Variants in FGGY observed in about 807,000 individuals in gnomAD.
FGGY encodes the protein FGGY carbohydrate kinase domain-containing protein.
Under a neutral mutation model 71.3 loss-of-function variants are expected in FGGY, and 72 were observed. That is an observed-to-expected ratio of 1.01 (90% CI 0.84 to 1.23). The LOEUF is 1.23. FGGY is among the 50% of genes most tolerant of loss of function. The pLI, the probability that FGGY is intolerant of heterozygous loss-of-function variation, is 0.00. For missense variants in FGGY, 668 were observed against 682.3 expected, an observed-to-expected ratio of 0.98 and a Z score of 0.23; for synonymous variants, 251 against 250.3, an observed-to-expected ratio of 1.00 and a Z score of -0.02.
chr1:59,510,140 AAGGTAATGT>A (rs2094485459), intron 6 of FGGY, among the ~76,000 whole-genome samples: 1 of 151,752 alleles, frequency 6.6e-6, no homozygotes, highest in South Asian at 2.1e-4. Context: ...TTTACTCCAA[AAGGTAATGT>A]AATGAATAAG....
intron 2 of FGGY, among the ~76,000 whole-genome samples, chr1:59,335,141 A>G (rs2049229991): frequency 6.6e-6 from 1 of 152,212 alleles, no homozygotes; most frequent in South Asian, 2.1e-4. Flanking sequence ...GTTATTTTGT[A>G]AATTTATACA....
At chr1:59,608,016 C>A in intron 9 of FGGY, 106 bp downstream of exon 9, 2 of 853,006 alleles carry the variant, frequency 2.3e-6, no homozygotes, top group Non-Finnish European at 3.8e-6. Context: ...TTGCAGACCC[C>A]TGAATCGGGG....
At chr1:59,397,051 T>A (rs540334151) in intron 5 of FGGY, among the ~76,000 whole-genome samples, 447 of 148,778 alleles carry the variant, frequency 3.0e-3, no homozygotes, top group African/African-American at 9.9e-3. Context: ...TTTTTTTTTT[T>A]AAAAGAAAGG....
At chr1:59,452,563 A>C (rs1396218194) in intron 5 of FGGY, among the ~76,000 whole-genome samples, 5 of 152,182 alleles carry the variant, frequency 3.3e-5, no homozygotes. Flanking sequence ...GTGGTCTCTC[A>C]GGTGAACTAC....
intron 14 of FGGY, among the ~76,000 whole-genome samples, chr1:59,675,418 T>C (rs74709818): frequency 0.013 from 1,936 of 152,286 alleles, 17 homozygotes; most frequent in Non-Finnish European, 0.02. Context: ...AACAGACAGA[T>C]GTAAAAGTGT....
chr1:59,407,058 A>C (rs745801542), intron 5 of FGGY, among the ~76,000 whole-genome samples: 8 of 152,124 alleles, frequency 5.3e-5, no homozygotes, highest in Non-Finnish European at 8.8e-5. Flanking sequence ...AGAGAAAGAG[A>C]AGCTGGAGTA....
chr1:59,460,350 G>C (rs1250645499), intron 6 of FGGY, among the ~76,000 whole-genome samples: 1 of 152,174 alleles, frequency 6.6e-6, no homozygotes, highest in Non-Finnish European at 1.5e-5. Context: ...GGCCAGGGGA[G>C]AGGCTTCCAC....
intron 6 of FGGY, among the ~76,000 whole-genome samples, chr1:59,502,729 T>A (rs1264038640): frequency 6.6e-6 from 1 of 152,202 alleles, no homozygotes; most frequent in Non-Finnish European, 1.5e-5. Flanking sequence ...ATCTAGACTC[T>A]GCTCCCACAA....
intron 8 of FGGY, among the ~76,000 whole-genome samples, chr1:59,592,932 T>C (rs1333079048): frequency 6.6e-6 from 1 of 151,968 alleles, no homozygotes; most frequent in Non-Finnish European, 1.5e-5. Context: ...ACTTCAACTA[T>C]AGTAATAATA....
intron 8 of FGGY, among the ~76,000 whole-genome samples, chr1:59,571,362 A>G (rs2095982429): frequency 6.6e-6 from 1 of 152,196 alleles, no homozygotes; most frequent in Non-Finnish European, 1.5e-5. Flanking sequence ...CAGGTACTGG[A>G]GAGAAAATGG....
intron 8 of FGGY, among the ~76,000 whole-genome samples, chr1:59,578,987 T>C (rs1036293702): frequency 6.6e-6 from 1 of 152,118 alleles, no homozygotes; most frequent in Non-Finnish European, 1.5e-5. Flanking sequence ...GCTTCTCAAG[T>C]GCTGTATAAT....
chr1:59,715,042 A>G (rs2097833809), intron 14 of FGGY, among the ~76,000 whole-genome samples: 1 of 152,182 alleles, frequency 6.6e-6, no homozygotes, highest in Non-Finnish European at 1.5e-5. Context: ...CCCTTTCAAG[A>G]AAAGCCCTTT....
chr1:59,654,346 C>G (rs1252989510), intron 11 of FGGY, among the ~76,000 whole-genome samples: 1 of 152,156 alleles, frequency 6.6e-6, no homozygotes, highest in African/African-American at 2.4e-5. Context: ...CCATCAGCTC[C>G]ACCTTCATTA....
At chr1:59,559,225 G>A (rs184975755) in intron 8 of FGGY, among the ~76,000 whole-genome samples, 1 of 152,308 alleles carries the variant, frequency 6.6e-6, no homozygotes, top group Admixed American at 6.5e-5. Context: ...ACTGATAAAT[G>A]TCCATATTAA....
intron 6 of FGGY, among the ~76,000 whole-genome samples, chr1:59,504,420 G>T (rs1487012841): frequency 6.6e-6 from 1 of 152,160 alleles, no homozygotes; most frequent in Non-Finnish European, 1.5e-5. Flanking sequence ...GTGGGGTTGG[G>T]GGCATTCTTG....
chr1:59,752,117 G>C (rs2098250433), intron 14 of FGGY, among the ~76,000 whole-genome samples: 1 of 152,168 alleles, frequency 6.6e-6, no homozygotes, highest in Non-Finnish European at 1.5e-5. Flanking sequence ...TATATTAAAT[G>C]CTGGTAAAGT....
chr1:59,480,202 CCTT>C (rs1190916518), intron 6 of FGGY, among the ~76,000 whole-genome samples: 1 of 152,174 alleles, frequency 6.6e-6, no homozygotes, highest in Non-Finnish European at 1.5e-5. Context: ...CCAGCATAAA[CCTT>C]CTCAAGTCTT....
At chr1:59,547,523 T>C (rs1296531778) in intron 7 of FGGY, among the ~76,000 whole-genome samples, 1 of 152,192 alleles carries the variant, frequency 6.6e-6, no homozygotes, top group Admixed American at 6.5e-5. Flanking sequence ...TTTAGTAGTG[T>C]GGGACCTTGT....
At chr1:59,461,125 G>A (rs958107055) in intron 6 of FGGY, among the ~76,000 whole-genome samples, 6 of 152,164 alleles carry the variant, frequency 3.9e-5, no homozygotes, top group Non-Finnish European at 7.3e-5. Context: ...ACTTCTCCGA[G>A]CTAAAGGAGG....
Sources: allele counts gnomAD v4.1 joint callset (sites outside exome capture counted in the v4.1 genomes callset), GRCh38; gene constraint gnomAD v4.1.1; transcripts MANE v1.5; gene names NCBI Gene and HGNC (gene_info 2026-07-23, HGNC 2026-07-21).